The following BAG1 variants were observed in gnomAD, a reference collection of about 807,000 sequenced individuals.
BAG1 encodes the protein BAG family molecular chaperone regulator 1.
In BAG1, 35 loss-of-function variants were observed where a neutral mutation model predicts 35.5. The ratio of observed to expected loss-of-function variants is 0.99; its 90% confidence interval spans 0.75 to 1.31. The LOEUF is 1.31. Ranked by LOEUF, BAG1 falls within the 50% of genes most tolerant of loss-of-function variation. BAG1 has a pLI of 0.00. For synonymous variants in BAG1, 191 were observed against 178.9 expected (o/e 1.07, Z -0.54); for missense variants, 464 against 453.6 (o/e 1.02, Z -0.21).
chr9:33,264,607 G>A lies in BAG1; in HGVS notation c.68C>T (p.Ala23Val). The A allele has an allele frequency of 7.3e-7, 1 of 1,375,342 alleles. No homozygotes were observed. The highest frequency in any genetic ancestry group is 3.8e-5 in the Admixed American group (1 of 26,348). 85.2% of individuals were successfully genotyped at this position (1,375,342 alleles called of 1,614,324 possible). A position where few individuals can be genotyped will look rare whatever the true frequency, so the allele number is the denominator to read the frequency against. ...GCGCGGCTCCCGGCCTGGCCGAAGG[G>A]CGCGCAGCCGGGAACCCAGCCGCTC... Residue 23 changes from alanine (A) to valine (V), a missense_variant, in exon 1 of 7, where the codon GCC becomes GTC. Transcript: ENST00000634734.
At chr9:33,261,428 T>C (rs923223987) in intron 2 of BAG1, among the ~76,000 whole-genome samples, 2 of 152,114 alleles carry the variant, frequency 1.3e-5, no homozygotes, top group African/African-American at 2.4e-5. Flanking sequence ...GAGCCAAATA[T>C]TCAGGAATCA....
Position 33,255,229 on chromosome 9 carries a change from A to T in BAG1, c.1028T>A (p.Leu343Gln). The T allele has an allele frequency of 1.9e-6, 3 of 1,614,188 alleles. No individual in the cohort carries two copies. The highest frequency in any genetic ancestry group is 2.5e-6 in the Non-Finnish European group (3 of 1,180,026). ...TTTTTCTGCTACACCTCACTCGGCCAGGGCAAAGTTTGTAGACTGCAGCCG... is the reference window on the plus strand; with the variant it reads ...TTTTTCTGCTACACCTCACTCGGCCTGGGCAAAGTTTGTAGACTGCAGCCG... The change falls in exon 7 of 7, where the codon CTG becomes CAG. Residue 343 changes from leucine to glutamine, a missense_variant. By Grantham distance (113) the Leu-to-Gln change is moderately radical (BLOSUM62 -2). Transcript: ENST00000634734.
In BAG1 at chr9:33,264,699, G is replaced by T. The variant is rs1820675968; in HGVS notation, c.-25C>A. Reference sequence around the variant, plus strand: ...GGCCCGCACTTGTTGACCGCCCAGCGATGGAAGCTGAGCGCGGCGTCTCAC... The same window carrying T: ...GGCCCGCACTTGTTGACCGCCCAGCTATGGAAGCTGAGCGCGGCGTCTCAC... On this transcript the variant is annotated 5_prime_UTR_variant, in exon 1 of 7. Coordinates refer to ENST00000634734, the MANE Select transcript of BAG1 (RefSeq NM_004323.6). The T allele has an allele frequency of 1.5e-6, 2 of 1,358,266 alleles. No homozygotes were observed. The highest frequency in any genetic ancestry group is 9.4e-7 in the Non-Finnish European group (1 of 1,061,276). The allele number at this position is 1,358,266 out of a possible 1,614,324, so 84.1% of individuals were successfully genotyped here.
rs145915589 is a variant in BAG1 at position 33,258,621 on chromosome 9, T to C, written c.777+299A>G. On this transcript the variant is annotated intron_variant, in intron 4 of 6. Coordinates refer to ENST00000634734, the MANE Select transcript of BAG1 (RefSeq NM_004323.6). Reference sequence around the variant, plus strand: ...GTGCTCTCCTGTGAGCATAAATGGATGCTGGCTGGGGTTTGACAATAACTA... The same window carrying C: ...GTGCTCTCCTGTGAGCATAAATGGACGCTGGCTGGGGTTTGACAATAACTA... Among the ~76,000 whole-genome samples the C allele has an allele frequency of 1.6e-3, 243 of 152,334 alleles. 1 individual carries two copies. Among genetic ancestry groups the C allele is most frequent in the African/African-American group, 5.5e-3 (227 of 41,592 alleles).
intron 3 of BAG1, 106 bp downstream of exon 3, chr9:33,260,981 T>C: frequency 2.3e-6 from 2 of 858,226 alleles, no homozygotes; most frequent in Middle Eastern, 2.3e-4. Context: ...AGAGGTGTTT[T>C]ATCAATGCAG....
Position 33,264,676 on chromosome 9 carries a change from C to A in BAG1, c.-2G>T, listed in dbSNP as rs904859337. 1 of 1,357,074 alleles carries A rather than the reference C, an allele frequency of 7.4e-7. No individual in the cohort carries two copies. Among genetic ancestry groups the A allele is most frequent in the Non-Finnish European group, 9.4e-7 (1 of 1,062,512 alleles). The allele number at this position is 1,357,074 out of a possible 1,614,324, so 84.1% of individuals were successfully genotyped here. A position where few individuals can be genotyped will look rare whatever the true frequency, so the allele number is the denominator to read the frequency against. On this transcript the variant is annotated 5_prime_UTR_variant, in exon 1 of 7. Transcript: ENST00000634734. ...CCGCGCCCCCCCGCGCTGAGCCAGG[C>A]CCGCACTTGTTGACCGCCCAGCGAT...
rs1238192742 is a variant in BAG1, at chr9:33,255,038, G to T, written c.*181C>A. ...CAGAGACAGAAGGAGAAAACAGATA[G>T]GAGCTTTACTCAAAATCACAAAGAC... On this transcript the variant is annotated 3_prime_UTR_variant, in exon 7 of 7. Transcript: ENST00000634734. The T allele has an allele frequency of 6.5e-7, 1 of 1,541,184 alleles. No homozygotes were observed. The highest frequency in any genetic ancestry group is 1.2e-5 in the South Asian group (1 of 83,748).
At position 33,254,599 on chromosome 9, in the gene BAG1, A is replaced by C. The variant is rs1820408977; in HGVS notation, c.*620T>G. 1 of 165,920 alleles carries C rather than the reference A, an allele frequency of 6.0e-6. No homozygotes were observed. The highest frequency in any genetic ancestry group is 1.3e-5 in the Non-Finnish European group (1 of 76,106). 10.3% of individuals were successfully genotyped at this position (165,920 alleles called of 1,614,324 possible). ...AAGCCTTGCATCAACCACAGGCTCCATCCAAGGAACGGCCCCCTGGTATCT... is the reference window on the plus strand; with the variant it reads ...AAGCCTTGCATCAACCACAGGCTCCCTCCAAGGAACGGCCCCCTGGTATCT... On this transcript the variant is annotated 3_prime_UTR_variant, in exon 7 of 7. Transcript: ENST00000634734.
chr9:33,262,194 T>C, intron 2 of BAG1: 1 of 1,289,740 alleles, frequency 7.8e-7, no homozygotes, highest in African/African-American at 1.5e-5. Context: ...CCTGTCCAGG[T>C]GTTTGAGAGT....
In BAG1 at chr9:33,264,662, C is replaced by T; in HGVS notation, c.13G>A (p.Gly5Arg). ...TCGCCTCGCGGTCTCCGCGCCCCCC[C>T]GCGCTGAGCCAGGCCCGCACTTGTT... is the stretch of plus-strand genomic sequence containing the variant. The change falls in exon 1 of 7, where the codon GGG (glycine) becomes AGG (arginine). Residue 5 changes from glycine to arginine, a missense_variant. By Grantham distance (125) the Gly-to-Arg change is moderately radical (BLOSUM62 -2). Transcript: ENST00000634734. 6.7e-6 allele frequency: 9 copies of T among 1,347,084 alleles called. No individual in the cohort carries two copies. Among genetic ancestry groups the T allele is most frequent in the Non-Finnish European group, 7.6e-6 (8 of 1,057,944 alleles). The allele number at this position is 1,347,084 out of a possible 1,614,324, so 83.4% of individuals were successfully genotyped here.
Position 33,255,871 on chromosome 9 carries a change from C to CT in BAG1, c.941dup (p.Val315GlyfsTer9), listed in dbSNP as rs1820442056. 1.9e-6 allele frequency: 3 copies of CT among 1,613,822 alleles called. No individual in the cohort carries two copies. The highest frequency in any genetic ancestry group is 4.5e-5 in the East Asian group (2 of 44,870). On this transcript the variant is annotated frameshift_variant, in exon 6 of 7. Transcript: ENST00000634734. LOFTEE classifies it high-confidence loss of function. ...GCACTATTACACAACTCACCTGAACCTTTTTTACCAAGCCTTTCCTTTTCA... is the reference window on the plus strand; with the variant it reads ...GCACTATTACACAACTCACCTGAACCTTTTTTTACCAAGCCTTTCCTTTTCA...
rs919565716 is a variant in BAG1 at position 33,253,430 on chromosome 9, T to C, written c.*1789A>G. 2.6e-5 allele frequency: 4 copies of C among 152,384 alleles called. No individual in the cohort carries two copies. The highest frequency in any genetic ancestry group is 6.5e-5 in the Admixed American group (1 of 15,306). The allele number at this position is 152,384 out of a possible 1,614,324, so 9.4% of individuals were successfully genotyped here. A position where few individuals can be genotyped will look rare whatever the true frequency, so the allele number is the denominator to read the frequency against. On this transcript the variant is annotated 3_prime_UTR_variant, in exon 7 of 7. Coordinates refer to ENST00000634734, the MANE Select transcript of BAG1 (RefSeq NM_004323.6). Reference sequence around the variant, plus strand: ...AAATGACTAATATATATGAATAGTTTAGAATGGTGTTCGGCAGTTTGGTGC... The same window carrying C: ...AAATGACTAATATATATGAATAGTTCAGAATGGTGTTCGGCAGTTTGGTGC...
chr9:33,263,431 C>A (rs754064674), intron 1 of BAG1, among the ~76,000 whole-genome samples: 1 of 152,168 alleles, frequency 6.6e-6, no homozygotes, highest in African/African-American at 2.4e-5. Context: ...GCCTTTCTTT[C>A]TGAAGAAGAG....
intron 4 of BAG1, 110 bp from the exon 5 acceptor site, chr9:33,257,018 C>T: frequency 1.3e-6 from 1 of 759,720 alleles, no homozygotes; most frequent in South Asian, 1.6e-5. Context: ...CCTGGCAGGC[C>T]AGGCCACATC....
In BAG1 at chr9:33,261,098, T is replaced by C. The variant is rs1490131167; in HGVS notation, c.652A>G (p.Ile218Val). 1.2e-6 allele frequency: 2 copies of C among 1,607,272 alleles called. No individual in the cohort carries two copies. The highest frequency in any genetic ancestry group is 3.4e-5 in the Admixed American group (2 of 58,776). ...AAAAAGCAATTTACCTTTTTCCCAA[T>C]TAACATGACCCGGCAACCATCTTGT... The change falls in exon 3 of 7, where the codon ATT becomes GTT. Residue 218 changes from isoleucine (I) to valine (V), a missense_variant. By Grantham distance (29) the Ile-to-Val change is conservative. Coordinates refer to ENST00000634734, the MANE Select transcript of BAG1 (RefSeq NM_004323.6).
chr9:33,254,924 A>G lies in BAG1; in HGVS notation c.*295T>C. Reference sequence around the variant, plus strand: ...GCAAATTAGAGCTCTCACCAGCCCAAAGAAAGCACCCAGAGGTCCAAACAG... The same window carrying G: ...GCAAATTAGAGCTCTCACCAGCCCAGAGAAAGCACCCAGAGGTCCAAACAG... On this transcript the variant is annotated 3_prime_UTR_variant, in exon 7 of 7. Transcript: ENST00000634734. 8.8e-7 allele frequency: 1 copy of G among 1,136,854 alleles called. No individual in the cohort carries two copies. Among genetic ancestry groups the G allele is most frequent in the Non-Finnish European group, 1.2e-6 (1 of 852,516 alleles). The allele number at this position is 1,136,854 out of a possible 1,614,324, so 70.4% of individuals were successfully genotyped here.
At chr9:33,255,444 C>T in intron 6 of BAG1, 136 bp from the exon 7 acceptor site, 2 of 1,416,986 alleles carry the variant, frequency 1.4e-6, no homozygotes, top group Admixed American at 3.9e-5. Context: ...GGAGATGGGC[C>T]ACTGGCCTGG....
intron 4 of BAG1, 126 bp downstream of exon 4, chr9:33,258,794 A>G (rs895344269): frequency 1.4e-6 from 1 of 692,612 alleles, no homozygotes; most frequent in African/African-American, 1.8e-5. Flanking sequence ...GTTCACAGTA[A>G]GAGAAAGGGT....
chr9:33,263,491 C>T (rs573758789), intron 1 of BAG1, among the ~76,000 whole-genome samples: 1 of 152,188 alleles, frequency 6.6e-6, no homozygotes, highest in South Asian at 2.1e-4. Flanking sequence ...AGCCTGTGTA[C>T]AGTACATTAC....
Sources: gnomAD v4.1 joint callset for allele counts (sites outside exome capture counted in the v4.1 genomes callset) on GRCh38, gnomAD v4.1.1 for gene constraint, MANE v1.5 for transcripts, NCBI Gene and HGNC (gene_info 2026-07-23, HGNC 2026-07-21) for gene names.